Variants in NFASC observed in about 807,000 individuals in gnomAD.
The protein encoded by NFASC is neurofascin, also known as neurofascin homolog.
In NFASC, 43 loss-of-function variants were observed where a neutral mutation model predicts 147.5. The ratio of observed to expected loss-of-function variants is 0.29; its 90% CI spans 0.23 to 0.38. The LOEUF (loss-of-function observed/expected upper bound fraction) is 0.38, where lower values mean the gene tolerates loss of function less well. Ranked by LOEUF, NFASC falls within the 10% of genes least tolerant of loss-of-function variation. NFASC has a pLI of 1.00. For synonymous variants in NFASC, 622 were observed against 665.5 expected (o/e 0.93, Z 1.01); for missense variants, 1,320 against 1,689.0 (o/e 0.78, Z 3.83).
intron 23 of NFASC, chr1:204,989,603 G>C (rs2095680556): frequency 6.6e-6 from 1 of 152,202 alleles, no homozygotes; most frequent in African/African-American, 2.4e-5. Context: ...TCTGGGAAAG[G>C]CTGGGGACCC....
intron 13 of NFASC, 178 bp from the exon 14 acceptor site, chr1:204,974,479 A>G: frequency 1.2e-6 from 1 of 861,508 alleles, no homozygotes; most frequent in Non-Finnish European, 1.9e-6. Flanking sequence ...CTTGAGAGGG[A>G]TGGAGGCTTG....
At chr1:204,831,020 C>A (rs1672081319) in intron 1 of NFASC, among the ~76,000 whole-genome samples, 1 of 151,860 alleles carries the variant, frequency 6.6e-6, no homozygotes, top group Non-Finnish European at 1.5e-5. Flanking sequence ...GGGGGTGGGG[C>A]TGGAAGCTTT....
intron 1 of NFASC, among the ~76,000 whole-genome samples, chr1:204,830,547 CCTTGT>C (rs1165151256): frequency 1.3e-5 from 2 of 151,846 alleles, no homozygotes; most frequent in Non-Finnish European, 2.9e-5. Flanking sequence ...TAATTTCTCC[CCTTGT>C]CTTTGGATTC....
At chr1:204,922,487 T>A (rs191709421) in intron 2 of NFASC, among the ~76,000 whole-genome samples, 80 of 152,356 alleles carry the variant, frequency 5.3e-4, no homozygotes, top group Middle Eastern at 3.4e-3. Context: ...TCCATTTACA[T>A]TAATTGTGTC....
chr1:204,874,028 GTGATA>G (rs2078240872), intron 1 of NFASC, among the ~76,000 whole-genome samples: 1 of 152,234 alleles, frequency 6.6e-6, no homozygotes, highest in African/African-American at 2.4e-5. Flanking sequence ...TCTGTCAAGT[GTGATA>G]TTAATAGCAC....
rs772356783 is a variant in NFASC, at chr1:204,974,239, G to A, written c.1340G>A (p.Arg447Gln). The change falls in exon 13 of 30, where the codon CGG (arginine) becomes CAG (glutamine). Residue 447 changes from arginine (R) to glutamine (Q), a missense_variant. By Grantham distance (43) the Arg-to-Gln change is conservative. Transcript: ENST00000339876. ...NQLIRVILYNRTRLDCPFFGS... is the reference protein window; with the variant it reads ...NQLIRVILYNQTRLDCPFFGS... The stretch of plus-strand genomic sequence containing the variant: ...CTCATTCGAGTGATTCTTTACAACC[G>A]GACGCGGCTGGACTGCCCTTTCTTT... The A allele has an allele frequency of 1.2e-5, 19 of 1,613,990 alleles. No individual in the cohort carries two copies. Among genetic ancestry groups the A allele is most frequent in the East Asian group, 2.2e-5 (1 of 44,890 alleles).
rs761530087 is a variant in NFASC at position 205,001,280 on chromosome 1, A to G, written c.3130A>G (p.Ile1044Val). Residue 1044 changes from isoleucine (I) to valine (V), a missense_variant, in exon 26 of 30, where the codon ATC becomes GTC. Transcript: ENST00000339876. ...CGGAACTGACTTTGTGGTTGAGTACATCGACAGTAAGCATTGCTGTGCGGG... is the reference window on the plus strand; with the variant it reads ...CGGAACTGACTTTGTGGTTGAGTACGTCGACAGTAAGCATTGCTGTGCGGG... The part of the protein sequence containing the change: ...GPGTDFVVEY[I>V]DSNHTKKTVP... 1 of 1,606,532 alleles carries G rather than the reference A, an allele frequency of 6.2e-7. No individual in the cohort carries two copies. Among genetic ancestry groups the G allele is most frequent in the Non-Finnish European group, 8.5e-7 (1 of 1,174,892 alleles).
chr1:204,869,134 G>T (rs1313521280), intron 1 of NFASC, among the ~76,000 whole-genome samples: 1 of 152,248 alleles, frequency 6.6e-6, no homozygotes, highest in African/African-American at 2.4e-5. Flanking sequence ...GGGGCTAGAT[G>T]TGGGGCTGGA....
At chr1:204,945,832 C>G (rs747913070) in intron 3 of NFASC, among the ~76,000 whole-genome samples, 6 of 152,138 alleles carry the variant, frequency 3.9e-5, no homozygotes, top group Non-Finnish European at 5.9e-5. Context: ...GCCAAGTCCC[C>G]GGAGGGAGGG....
At chr1:204,997,621 A>G (rs2595944) in intron 25 of NFASC, 520,161 of 627,012 alleles carry the variant, frequency 0.83, 216,748 homozygotes, top group East Asian at 0.95. Context: ...TGACACACAC[A>G]CACTCCTTGG....
chr1:204,861,218 A>G (rs995970486), intron 1 of NFASC, among the ~76,000 whole-genome samples: 4 of 151,074 alleles, frequency 2.6e-5, no homozygotes, highest in Admixed American at 2.0e-4. Flanking sequence ...CCTCCTGAGT[A>G]ACTGGGACTA....
Position 204,968,719 on chromosome 1 carries a change from C to G in NFASC, c.819-79C>G. On this transcript the variant is annotated intron_variant, in intron 9 of 29. Coordinates refer to ENST00000339876, the MANE Select transcript of NFASC (RefSeq NM_001005388.3). The surrounding 1 kb of genome is among the most constrained non-coding windows in gnomAD (Gnocchi z 5.4). Reference sequence around the variant, plus strand: ...GGGCCCAAGTATACTTTTAGGCCACCTGGGTGTCCCCAGCTGTATAGAAGA... The same window carrying G: ...GGGCCCAAGTATACTTTTAGGCCACGTGGGTGTCCCCAGCTGTATAGAAGA... 1.5e-6 allele frequency: 2 copies of G among 1,363,414 alleles called. No individual in the cohort carries two copies. The highest frequency in any genetic ancestry group is 2.0e-6 in the Non-Finnish European group (2 of 1,001,264). 84.5% of individuals were successfully genotyped at this position (1,363,414 alleles called of 1,614,324 possible).
intron 2 of NFASC, among the ~76,000 whole-genome samples, chr1:204,933,143 G>C (rs2092517723): frequency 6.6e-6 from 1 of 152,166 alleles, no homozygotes; most frequent in Admixed American, 6.5e-5. Context: ...TGATATGAAA[G>C]GGTTTTCAGA....
chr1:204,958,350 A>G (rs2094517395), intron 8 of NFASC, among the ~76,000 whole-genome samples: 1 of 152,212 alleles, frequency 6.6e-6, no homozygotes, highest in Admixed American at 6.5e-5. Context: ...ATTCTGTAAT[A>G]TGTATATGCT....
At chr1:204,892,894 A>G (rs1221651931) in intron 1 of NFASC, among the ~76,000 whole-genome samples, 1 of 152,256 alleles carries the variant, frequency 6.6e-6, no homozygotes, top group East Asian at 1.9e-4. Flanking sequence ...TGACCCAGAT[A>G]TTCTAAGGTT....
At chr1:204,937,776 T>C (rs1288062994) in intron 2 of NFASC, among the ~76,000 whole-genome samples, 1 of 152,200 alleles carries the variant, frequency 6.6e-6, no homozygotes, top group African/African-American at 2.4e-5. Flanking sequence ...GTCGGTTGTG[T>C]TTTCTCCGTT....
chr1:204,919,656 T>C lies in NFASC; in HGVS notation c.-199-976T>C, dbSNP rs376699650. Among the ~76,000 whole-genome samples, 61 of 151,934 alleles carry C rather than the reference T, an allele frequency of 4.0e-4. 1 individual carries two copies. The highest frequency in any genetic ancestry group is 1.4e-3 in the African/African-American group (58 of 41,418). On this transcript the variant is annotated intron_variant, in intron 1 of 29. Coordinates refer to ENST00000339876, the MANE Select transcript of NFASC (RefSeq NM_001005388.3). ...CACTTTTTTTGGGGGGCAGATGGAGTCTTGCTCTGTTGCCCAGGCTGGAGT... is the reference window on the plus strand; with the variant it reads ...CACTTTTTTTGGGGGGCAGATGGAGCCTTGCTCTGTTGCCCAGGCTGGAGT...
At chr1:204,911,093 T>C (rs565905819) in intron 1 of NFASC, among the ~76,000 whole-genome samples, 4 of 152,200 alleles carry the variant, frequency 2.6e-5, no homozygotes, top group African/African-American at 9.7e-5. Context: ...TTTTAAAAAA[T>C]CACACTGAAG....
At chr1:204,982,205 G>A (rs1287720159) in intron 21 of NFASC, among the ~76,000 whole-genome samples, 185 bp downstream of exon 21, 2 of 152,164 alleles carry the variant, frequency 1.3e-5, no homozygotes, top group African/African-American at 4.8e-5. Flanking sequence ...AATATCATCC[G>A]AACGTAGTTG....
Sources: gnomAD v4.1 joint callset for allele counts (sites outside exome capture counted in the v4.1 genomes callset) on GRCh38, gnomAD v4.1.1 for gene constraint, Gnocchi (gnomAD v3.1) non-coding constraint, MANE v1.5 for transcripts, NCBI Gene and HGNC (gene_info 2026-07-23, HGNC 2026-07-21) for gene names.